C8orf34: variants seen among roughly 807,000 people sequenced by gnomAD.
The protein encoded by C8orf34 is chromosome 8 open reading frame 34.
A neutral mutation model predicts 68.3 loss-of-function variants in C8orf34; 65 were observed. That is an observed-to-expected ratio of 0.95 (90% CI 0.78 to 1.17). The LOEUF (loss-of-function observed/expected upper bound fraction) is 1.17, where lower values mean the gene tolerates loss of function less well. C8orf34 is among the 50% of genes most tolerant of loss of function. C8orf34 has a pLI of 0.00. For missense variants in C8orf34, 664 were observed against 655.4 expected (o/e 1.01, Z -0.14); for synonymous variants, 244 against 241.2 (o/e 1.01, Z -0.11).
chr8:68,654,026 G>T (rs1360231641), intron 8 of C8orf34, among the ~76,000 whole-genome samples: 1 of 151,764 alleles, frequency 6.6e-6, no homozygotes, highest in Non-Finnish European at 1.5e-5. Context: ...ATTTTGTTTG[G>T]GTTAAAACAA....
chr8:68,499,729 C>T (rs1346202735), intron 5 of C8orf34, among the ~76,000 whole-genome samples: 1 of 152,138 alleles, frequency 6.6e-6, no homozygotes, highest in Non-Finnish European at 1.5e-5. Flanking sequence ...GAAGATACCA[C>T]CTGAACCAGG....
intron 10 of C8orf34, among the ~76,000 whole-genome samples, chr8:68,731,915 A>G (rs2129526881): frequency 6.6e-6 from 1 of 152,372 alleles, no homozygotes; most frequent in East Asian, 1.9e-4. Flanking sequence ...GGTGACAGAA[A>G]TGCTGGGACC....
Position 68,332,351 on chromosome 8 carries a change from TCCCGCCTTGCC to T in C8orf34, c.327+1041_327+1051del, listed in dbSNP as rs71253079. On this transcript the variant is annotated intron_variant, in intron 1 of 13. Transcript: ENST00000518698. ...AGAGTTCGCGGGAGGGTCGAGGTGCTCCCGCCTTGCCCCCGCCTTGCCCCCGCCTTGCCCCC... is the reference window on the plus strand; with the variant it reads ...AGAGTTCGCGGGAGGGTCGAGGTGCTCCCGCCTTGCCCCCGCCTTGCCCCC... 5.5e-3 allele frequency among the ~76,000 whole-genome samples: 584 copies of T among 105,960 alleles called. 10 individuals are homozygous for T. The highest frequency in any genetic ancestry group is 0.019 in the African/African-American group (487 of 26,308). 69.5% of individuals were successfully genotyped at this position (105,960 alleles called of 152,430 possible).
chr8:68,503,603 A>G (rs976335090), intron 5 of C8orf34, among the ~76,000 whole-genome samples: 1 of 152,202 alleles, frequency 6.6e-6, no homozygotes, highest in Non-Finnish European at 1.5e-5. Context: ...ACCTGTTGGG[A>G]AACATATGAG....
intron 9 of C8orf34, 98 bp downstream of exon 9, chr8:68,709,177 T>G (rs1205324636): frequency 2.3e-6 from 2 of 852,802 alleles, no homozygotes; most frequent in Non-Finnish European, 3.8e-6. Flanking sequence ...TTGCCTTGCA[T>G]GAATTCACTG....
At chr8:68,560,228 G>A (rs151335763) in intron 7 of C8orf34, among the ~76,000 whole-genome samples, 152 of 151,948 alleles carry the variant, frequency 1.0e-3, no homozygotes, top group African/African-American at 3.1e-3. Flanking sequence ...CAGAGGTGCC[G>A]AGAGACAGTT....
intron 1 of C8orf34, among the ~76,000 whole-genome samples, chr8:68,403,082 TC>T (rs1209887874): frequency 6.6e-6 from 1 of 152,138 alleles, no homozygotes; most frequent in African/African-American, 2.4e-5. Flanking sequence ...TCAAATTACT[TC>T]TTGAGGATTC....
rs545496043 is a variant in C8orf34 at position 68,419,572 on chromosome 8, C to G, written c.328-19927C>G. Among the ~76,000 whole-genome samples the G allele has an allele frequency of 4.1e-3, 624 of 151,726 alleles. 8 individuals are homozygous for G. The highest frequency in any genetic ancestry group is 0.021 in the Admixed American group (322 of 15,236). On this transcript the variant is annotated intron_variant, in intron 1 of 13. Transcript: ENST00000518698. ...TATTCACAATAGCAAAGACTTGGAA[C>G]CAACCCAAATGTCCAACAATGATAG...
At chr8:68,743,086 T>C (rs552525693) in intron 10 of C8orf34, among the ~76,000 whole-genome samples, 1 of 152,358 alleles carries the variant, frequency 6.6e-6, no homozygotes, top group East Asian at 1.9e-4. Flanking sequence ...CCATGATTTC[T>C]ATTGAATTTA....
At chr8:68,793,667 G>A (rs1824078871) in intron 12 of C8orf34, among the ~76,000 whole-genome samples, 1 of 152,146 alleles carries the variant, frequency 6.6e-6, no homozygotes, top group Non-Finnish European at 1.5e-5. Flanking sequence ...TCTGAAGTAG[G>A]GCAGAGCATC....
At chr8:68,331,416 T>C (rs1304796945) in intron 1 of C8orf34, 77 bp downstream of exon 1, 1 of 1,411,460 alleles carries the variant, frequency 7.1e-7, no homozygotes, top group African/African-American at 1.4e-5. Context: ...ACACTCCCAA[T>C]CCCACCCCTC....
chr8:68,776,625 C>T (rs541083151), intron 11 of C8orf34, among the ~76,000 whole-genome samples, 176 bp downstream of exon 11: 1 of 152,284 alleles, frequency 6.6e-6, no homozygotes, highest in Non-Finnish European at 1.5e-5. Flanking sequence ...TTTTGGTCCT[C>T]ATTGGGAGAA....
At chr8:68,643,588 T>G (rs564131039) in intron 8 of C8orf34, among the ~76,000 whole-genome samples, 1 of 152,178 alleles carries the variant, frequency 6.6e-6, no homozygotes, top group South Asian at 2.1e-4. Flanking sequence ...TGCTTCCTCA[T>G]AGATGGCTGT....
chr8:68,434,366 T>TG (rs1409760183), intron 1 of C8orf34, among the ~76,000 whole-genome samples: 1 of 152,180 alleles, frequency 6.6e-6, no homozygotes, highest in Non-Finnish European at 1.5e-5. Context: ...GTGTTCTCAT[T>TG]GTTCAACTCC....
chr8:68,657,285 T>G (rs1439163711), intron 8 of C8orf34, among the ~76,000 whole-genome samples: 2 of 152,178 alleles, frequency 1.3e-5, no homozygotes. Context: ...GAAATCTATT[T>G]CCCAGTATAT....
intron 5 of C8orf34, among the ~76,000 whole-genome samples, chr8:68,510,995 C>A (rs1375892190): frequency 6.6e-6 from 1 of 152,152 alleles, no homozygotes; most frequent in Non-Finnish European, 1.5e-5. Context: ...CCCCAGTGGG[C>A]TTATATTGGC....
Position 68,372,789 on chromosome 8 carries a change from C to T in C8orf34, c.327+41450C>T, listed in dbSNP as rs141146117. On this transcript the variant is annotated intron_variant, in intron 1 of 13. Coordinates refer to ENST00000518698, the MANE Select transcript of C8orf34 (RefSeq NM_052958.4). Reference sequence around the variant, plus strand: ...CCGACAGGCCCCAGTGTGTGATGTTCCCCTCCCTGTGTCCATGTGTTCTCA... The same window carrying T: ...CCGACAGGCCCCAGTGTGTGATGTTTCCCTCCCTGTGTCCATGTGTTCTCA... 8.0e-3 allele frequency among the ~76,000 whole-genome samples: 1,216 copies of T among 152,162 alleles called. 40 individuals are homozygous for T. In the East Asian group the frequency reaches 0.1, roughly 13 times the overall value.
chr8:68,470,197 A>T (rs1812323572), intron 4 of C8orf34, among the ~76,000 whole-genome samples: 1 of 152,018 alleles, frequency 6.6e-6, no homozygotes, highest in African/African-American at 2.4e-5. Flanking sequence ...AAAGAGCCTG[A>T]TTCTCTTCAT....
At chr8:68,488,324 CT>C (rs5892147) in intron 5 of C8orf34, among the ~76,000 whole-genome samples, 152,292 of 152,292 alleles carry the variant, frequency 1, 76,146 homozygotes, top group Non-Finnish European at 1. Flanking sequence ...TGCAAAATAA[CT>C]TCATAACACT....
Sources: allele counts gnomAD v4.1 joint callset (sites outside exome capture counted in the v4.1 genomes callset), GRCh38; gene constraint gnomAD v4.1.1; transcripts MANE v1.5; gene names NCBI Gene and HGNC (gene_info 2026-07-23, HGNC 2026-07-21).